The following C1QTNF6 variants were observed in gnomAD, a reference collection of about 807,000 sequenced individuals.
C1QTNF6 encodes the protein complement C1q tumor necrosis factor-related protein 6.
Under a neutral mutation model 20.7 loss-of-function variants are expected in C1QTNF6, and 17 were observed. The ratio of observed to expected loss-of-function variants is 0.82; its 90% CI spans 0.56 to 1.23. C1QTNF6 has a LOEUF of 1.23. C1QTNF6 is among the 50% of genes most tolerant of loss of function. The pLI, the probability that C1QTNF6 is intolerant of heterozygous loss-of-function variation, is 0.00. For synonymous variants in C1QTNF6, 130 were observed against 156.3 expected (o/e 0.83, Z 1.25); for missense variants, 329 against 389.7 (o/e 0.84, Z 1.31).
At position 37,184,361 on chromosome 22, in the gene C1QTNF6, C is replaced by A. The variant is rs183815796; in HGVS notation, c.289+857G>T. 1.4e-6 allele frequency: 1 copy of A among 717,230 alleles called. No homozygotes were observed. 44.4% of individuals were successfully genotyped at this position (717,230 alleles called of 1,614,324 possible). On this transcript the variant is annotated intron_variant, in intron 2 of 2. Coordinates refer to ENST00000337843, the MANE Select transcript of C1QTNF6 (RefSeq NM_031910.4). The surrounding 1 kb of genome is among the most constrained non-coding windows in gnomAD (Gnocchi z 4.0). The stretch of plus-strand genomic sequence containing the variant: ...CCTCACGGGCTGTTGTGGGCAGAGA[C>A]GGACGCTAAGGATGTCAAGGCCTGG...
chr22:37,195,597 T>C (rs530411787), intron 1 of C1QTNF6: 41 of 152,272 alleles, frequency 2.7e-4, no homozygotes, highest in African/African-American at 9.4e-4. Context: ...AACAAAAGAA[T>C]GGCTACTCCA....
upstream of C1QTNF6, chr22:37,198,127 CCTG>C (rs1925261262): frequency 6.6e-6 from 1 of 152,476 alleles, no homozygotes; most frequent in South Asian, 2.1e-4. Context: ...CTCTCATCAC[CCTG>C]CTATCACTCC....
At position 37,182,179 on chromosome 22, in the gene C1QTNF6, C is replaced by T. The variant is rs1601623914; in HGVS notation, c.*9G>A. 6.2e-7 allele frequency: 1 copy of T among 1,601,954 alleles called. No individual in the cohort carries two copies. Among genetic ancestry groups the T allele is most frequent in the Non-Finnish European group, 8.5e-7 (1 of 1,172,728 alleles). ...GAGCTCTCCAGCCGGGAGGGTGGCC[C>T]AGAGGCCCTCAGTCGTCCTCGGCCT... On this transcript the variant is annotated 3_prime_UTR_variant, in exon 3 of 3. Coordinates refer to ENST00000337843, the MANE Select transcript of C1QTNF6 (RefSeq NM_031910.4).
At chr22:37,197,786 G>GCGT (rs1555903604), upstream of C1QTNF6, 1 of 152,316 alleles carries the variant, frequency 6.6e-6, no homozygotes, top group Non-Finnish European at 1.5e-5. Flanking sequence ...CTCCATTTGT[G>GCGT]CGTCATCCGT....
upstream of C1QTNF6, among the ~76,000 whole-genome samples, chr22:37,188,693 C>G (rs1276176131): frequency 6.6e-6 from 1 of 152,200 alleles, no homozygotes; most frequent in African/African-American, 2.4e-5. Flanking sequence ...GAATCCTGGC[C>G]CTGCTACCAC....
Position 37,182,411 on chromosome 22 carries a change from G to A in C1QTNF6, c.614C>T (p.Thr205Met), listed in dbSNP as rs989925488. The change falls in exon 3 of 3, where the codon ACG (threonine) becomes ATG (methionine). Residue 205 changes from threonine (T) to methionine (M), a missense_variant. Physicochemically the swap from Thr to Met is moderately conservative, Grantham distance 81 (BLOSUM62 -1). Transcript: ENST00000337843. The part of the protein sequence containing the change: ...LNVHSWNYKE[T>M]YVHIMHNQKE... ...CTGGTTATGCATAATGTGCACGTACGTCTCCTTGTAATTCCAGCTGTGCAC... is the reference window on the plus strand; with the variant it reads ...CTGGTTATGCATAATGTGCACGTACATCTCCTTGTAATTCCAGCTGTGCAC... The A allele has an allele frequency of 6.8e-6, 11 of 1,614,130 alleles. No homozygotes were observed. Among genetic ancestry groups the A allele is most frequent in the African/African-American group, 1.3e-5 (1 of 74,948 alleles).
In C1QTNF6 at chr22:37,184,505, G is replaced by GGCCCTCACCTGGACA. The variant is rs56389985; in HGVS notation, c.289+698_289+712dup. Reference sequence around the variant, plus strand: ...CACCTGGATGCCTTTCACCTGGACGGGCCCTCACCTGGACAGCCCTCACCT... The same window carrying GGCCCTCACCTGGACA: ...CACCTGGATGCCTTTCACCTGGACGGGCCCTCACCTGGACAGCCCTCACCTGGACAGCCCTCACCT... On this transcript the variant is annotated intron_variant, in intron 2 of 2. Coordinates refer to ENST00000337843, the MANE Select transcript of C1QTNF6 (RefSeq NM_031910.4). This position sits in a 1 kb window ranked among gnomAD's most constrained non-coding sequence, Gnocchi z 4.0. The GGCCCTCACCTGGACA allele has an allele frequency of 0.11, 75,255 of 700,746 alleles. 5,858 individuals are homozygous for GGCCCTCACCTGGACA. The highest frequency in any genetic ancestry group is 0.18 in the East Asian group (6,783 of 36,828). The allele number at this position is 700,746 out of a possible 1,614,324, so 43.4% of individuals were successfully genotyped here. A position where few individuals can be genotyped will look rare whatever the true frequency, so the allele number is the denominator to read the frequency against.
Position 37,185,427 on chromosome 22 carries a change from G to T in C1QTNF6, c.80C>A (p.Pro27His). 6.2e-7 allele frequency: 1 copy of T among 1,608,664 alleles called. No individual in the cohort carries two copies. Among genetic ancestry groups the T allele is most frequent in the Non-Finnish European group, 8.5e-7 (1 of 1,177,014 alleles). ...AAAGAGCAGGAGCGCTGCCCAGACG[G>T]GACCCAGGGCGGCTGTCCCCATGGT... is the stretch of plus-strand genomic sequence containing the variant. ...RVTMGTAALG[P>H]VWAALLLFLL... The change falls in exon 2 of 3, where the codon CCC (proline) becomes CAC (histidine). Residue 27 changes from proline to histidine, a missense_variant. By Grantham distance (77) the Pro-to-His change is moderately conservative (BLOSUM62 -2). Transcript: ENST00000337843.
In C1QTNF6 at chr22:37,182,260, G is replaced by A. The variant is rs137898000; in HGVS notation, c.765C>T (p.Asn255=). The change falls in exon 3 of 3, where the codon AAC becomes AAT. Residue 255 remains asparagine (N), a synonymous_variant. Transcript: ENST00000337843. ...TGTCGAAGTCGTTGCTGTAGATGGC[G>A]TTCTCGCGCTGGCGCTTGAAGAGCC... The part of the protein sequence containing the change: ...WVRLFKRQRE[N]AIYSNDFDTY... 13 of 1,614,218 alleles carry A rather than the reference G, an allele frequency of 8.1e-6. No homozygotes were observed. Among genetic ancestry groups the A allele is most frequent in the Admixed American group, 3.3e-5 (2 of 60,030 alleles).
At chr22:37,193,339 G>T (rs1456577588) in intron 2 of C1QTNF6, among the ~76,000 whole-genome samples, 1 of 152,136 alleles carries the variant, frequency 6.6e-6, no homozygotes, top group South Asian at 2.1e-4. Flanking sequence ...GAGAACAGAG[G>T]TTTCTCCCAA....
upstream of C1QTNF6, among the ~76,000 whole-genome samples, chr22:37,192,595 T>C (rs1035114722): frequency 5.9e-5 from 9 of 152,214 alleles, no homozygotes; most frequent in Non-Finnish European, 1.3e-4. Context: ...TGTCTAAAGT[T>C]TGAAGATATT....
At chr22:37,188,488 G>C, upstream of C1QTNF6, 1 of 356,580 alleles carries the variant, frequency 2.8e-6, no homozygotes, top group Non-Finnish European at 5.1e-6. Context: ...TAGAAAGTCA[G>C]AGCAGGCAGG....
chr22:37,182,804 A>T (rs767905788), intron 2 of C1QTNF6, 69 bp from the exon 3 acceptor site: 38 of 1,484,058 alleles, frequency 2.6e-5, no homozygotes, highest in Admixed American at 1.8e-4. Context: ...GCCCACACTC[A>T]TCTGTGACGG....
upstream of C1QTNF6, chr22:37,191,730 T>C (rs1366670558): frequency 1.3e-5 from 2 of 152,234 alleles, no homozygotes; most frequent in African/African-American, 2.4e-5. Flanking sequence ...CCTTTCTTTT[T>C]TCTATAGCTT....
chr22:37,188,240 G>A lies in C1QTNF6; in HGVS notation c.-27C>T. The A allele has an allele frequency of 6.3e-7, 1 of 1,579,764 alleles. No individual in the cohort carries two copies. The highest frequency in any genetic ancestry group is 8.6e-7 in the Non-Finnish European group (1 of 1,163,846). ...GCCTCTGGCTCCTTGGCCCATGTCT[G>A]CAATACTAACTTGTTGCTGGCCCAG... is the stretch of plus-strand genomic sequence containing the variant. On this transcript the variant is annotated 5_prime_UTR_variant, in exon 1 of 3. Transcript: ENST00000337843.
At chr22:37,188,669 C>A (rs1924599111), upstream of C1QTNF6, among the ~76,000 whole-genome samples, 1 of 152,218 alleles carries the variant, frequency 6.6e-6, no homozygotes, top group African/African-American at 2.4e-5. Flanking sequence ...TGTTGGCCCT[C>A]CAGGCACAGG....
chr22:37,199,315 AACCCCT>A (rs1247217308), upstream of C1QTNF6: 2 of 152,304 alleles, frequency 1.3e-5, no homozygotes, highest in African/African-American at 2.4e-5. Context: ...AGGCAAGCGG[AACCCCT>A]ACATCCACGA....
At chr22:37,187,954 G>A (rs1433397394) in intron 1 of C1QTNF6, among the ~76,000 whole-genome samples, 1 of 152,084 alleles carries the variant, frequency 6.6e-6, no homozygotes, top group African/African-American at 2.4e-5. Flanking sequence ...GTTTGTGTGT[G>A]CCCGGGTAGG....
chr22:37,182,819 G>T (rs778837262), intron 2 of C1QTNF6, 84 bp from the exon 3 acceptor site: 15 of 1,467,122 alleles, frequency 1.0e-5, no homozygotes, highest in Non-Finnish European at 1.4e-5. Flanking sequence ...TGACGGCTCT[G>T]CCCCTGTCCT....
Sources: allele counts gnomAD v4.1 joint callset (sites outside exome capture counted in the v4.1 genomes callset), GRCh38; gene constraint gnomAD v4.1.1; non-coding constraint Gnocchi (gnomAD v3.1); transcripts MANE v1.5; gene names NCBI Gene and HGNC (gene_info 2026-07-23, HGNC 2026-07-21).